Variants in RIMS2 observed in about 807,000 individuals in gnomAD.
The protein encoded by RIMS2 is regulating synaptic membrane exocytosis 2.
Under a neutral mutation model 174.4 loss-of-function variants are expected in RIMS2, and 59 were observed. The observed-to-expected ratio is 0.34, with a 90% confidence interval of 0.27 to 0.42. The LOEUF (loss-of-function observed/expected upper bound fraction) is 0.42. Ranked by LOEUF, RIMS2 falls within the 10% of genes least tolerant of loss-of-function variation. RIMS2 has a pLI of 1.00. For synonymous variants in RIMS2, 606 were observed against 572.5 expected, an observed-to-expected ratio of 1.06 and a Z score of -0.84; for missense variants, 1,620 against 1,666.3, an observed-to-expected ratio of 0.97 and a Z score of 0.48.
At chr8:104,200,030 G>C (rs2099046415) in intron 19 of RIMS2, among the ~76,000 whole-genome samples, 1 of 152,190 alleles carries the variant, frequency 6.6e-6, no homozygotes, top group South Asian at 2.1e-4. Flanking sequence ...TGAAGGTCCA[G>C]AGGCTAAGAG....
chr8:103,979,726 T>C (rs1023285100), intron 16 of RIMS2, among the ~76,000 whole-genome samples: 1 of 152,170 alleles, frequency 6.6e-6, no homozygotes, highest in Non-Finnish European at 1.5e-5. Context: ...GCCATCCTTC[T>C]CCTAACCCCC....
intron 19 of RIMS2, among the ~76,000 whole-genome samples, chr8:104,199,614 A>C (rs2099044033): frequency 6.6e-6 from 1 of 152,224 alleles, no homozygotes; most frequent in African/African-American, 2.4e-5. Context: ...AGTAAGAGAA[A>C]GGAATTTCAG....
At chr8:104,251,189 A>T in intron 23 of RIMS2, 26 bp downstream of exon 29, 1 of 1,574,308 alleles carries the variant, frequency 6.4e-7, no homozygotes, top group Non-Finnish European at 8.7e-7. Flanking sequence ...TTTATCCCTT[A>T]CCTAAGAAAG....
intron 1 of RIMS2, 60 bp downstream of exon 1, chr8:103,501,122 C>A (rs1259335962): frequency 1.5e-6 from 2 of 1,319,660 alleles, no homozygotes; most frequent in East Asian, 5.6e-5. Context: ...TCGCCCACTG[C>A]CCTGCGGCCG....
chr8:103,819,084 C>T (rs2098735244), intron 3 of RIMS2: 2 of 349,404 alleles, frequency 5.7e-6, no homozygotes, highest in Non-Finnish European at 4.1e-6. Flanking sequence ...ATACCTTGTC[C>T]CCATTTTTAT....
intron 1 of RIMS2, among the ~76,000 whole-genome samples, chr8:103,593,899 T>G (rs1232119209): frequency 6.6e-6 from 1 of 151,348 alleles, no homozygotes; most frequent in Admixed American, 6.6e-5. Context: ...AAAAGCACAT[T>G]GAGATCCTCA....
chr8:103,795,773 G>A (rs2098545661), intron 3 of RIMS2, among the ~76,000 whole-genome samples: 2 of 152,020 alleles, frequency 1.3e-5, no homozygotes, highest in Admixed American at 1.3e-4. Context: ...CACATGTATC[G>A]CTGCCTTTCA....
Position 103,702,847 on chromosome 8 carries a change from C to T in RIMS2, c.387+5551C>T, listed in dbSNP as rs2097181153. ...TTGAGGTCAGGCGATGTAATTCCTC[C>T]AGCTGTTTTTTTTTTTTTTTTTTTG... On this transcript the variant is annotated intron_variant, in intron 2 of 23. Coordinates refer to ENST00000504942, the Ensembl canonical transcript of RIMS2. 2.3e-5 allele frequency among the ~76,000 whole-genome samples: 3 copies of T among 129,772 alleles called. No individual in the cohort carries two copies. The Admixed American group carries it at 2.6e-4, about 11-fold the overall frequency. 85.1% of individuals were successfully genotyped at this position (129,772 alleles called of 152,430 possible).
At chr8:103,980,975 G>A (rs1281339037) in intron 16 of RIMS2, among the ~76,000 whole-genome samples, 2 of 152,222 alleles carry the variant, frequency 1.3e-5, no homozygotes, top group Non-Finnish European at 2.9e-5. Flanking sequence ...GATAGCATCT[G>A]TGGATCTGAT....
At chr8:103,755,473 C>T (rs914811991) in intron 2 of RIMS2, among the ~76,000 whole-genome samples, 4 of 152,096 alleles carry the variant, frequency 2.6e-5, no homozygotes, top group African/African-American at 7.2e-5. Flanking sequence ...TGAATATTGG[C>T]CTGCCTTGCT....
At chr8:103,971,429 T>G (rs768192347) in intron 15 of RIMS2, among the ~76,000 whole-genome samples, 14 of 152,174 alleles carry the variant, frequency 9.2e-5, no homozygotes, top group Non-Finnish European at 1.6e-4. Flanking sequence ...TTTCAAATGT[T>G]TAGCAACAAT....
intron 17 of RIMS2, among the ~76,000 whole-genome samples, chr8:104,000,010 A>T (rs566066812): frequency 6.6e-6 from 1 of 151,796 alleles, no homozygotes; most frequent in Non-Finnish European, 1.5e-5. Context: ...AGGATTTAGT[A>T]TGTATATTTA....
In RIMS2 at chr8:104,118,665, G is replaced by A. The variant is rs191964369; in HGVS notation, c.3334+104050G>A. On this transcript the variant is annotated intron_variant, in intron 19 of 23. Coordinates refer to ENST00000504942, the Ensembl canonical transcript of RIMS2. ...ATTATAGCCATGAGCCACCGGGCCC[G>A]ACCAAAATTCTTAAGTTTTCATGGT... Among the ~76,000 whole-genome samples, 605 of 152,130 alleles carry A rather than the reference G, an allele frequency of 4.0e-3. 5 individuals are homozygous for A. The highest frequency in any genetic ancestry group is 0.012 in the African/African-American group (516 of 41,512).
At chr8:103,614,601 G>T (rs952887837) in intron 1 of RIMS2, among the ~76,000 whole-genome samples, 1 of 152,234 alleles carries the variant, frequency 6.6e-6, no homozygotes, top group African/African-American at 2.4e-5. Flanking sequence ...ATAGTCTTCT[G>T]TTCTGCCATC....
chr8:103,886,169 G>GA lies in RIMS2; in HGVS notation c.1572dup (p.Tyr525IlefsTer5). On this transcript the variant is annotated frameshift_variant, in exon 4 of 24. Coordinates refer to ENST00000504942, the Ensembl canonical transcript of RIMS2. LOFTEE classifies it high-confidence loss of function. ...AGAGGAGGAATTGGCTTCCACGCCT[G>GA]AATATACAAGTTGTGATGATGTTGA... The GA allele has an allele frequency of 6.2e-7, 1 of 1,612,368 alleles. No homozygotes were observed. The highest frequency in any genetic ancestry group is 8.5e-7 in the Non-Finnish European group (1 of 1,178,960).
At chr8:103,549,227 C>T (rs991401344) in intron 1 of RIMS2, among the ~76,000 whole-genome samples, 6 of 152,176 alleles carry the variant, frequency 3.9e-5, no homozygotes, top group African/African-American at 1.4e-4. Context: ...AGAGAATGGT[C>T]GGGTTACCCA....
At chr8:103,581,705 T>C (rs933420707) in intron 1 of RIMS2, among the ~76,000 whole-genome samples, 7 of 152,176 alleles carry the variant, frequency 4.6e-5, no homozygotes, top group African/African-American at 7.2e-5. Context: ...GCAGATGACA[T>C]GATCTTATAC....
intron 1 of RIMS2, among the ~76,000 whole-genome samples, chr8:103,533,687 AAG>A (rs1838453277): frequency 6.6e-6 from 1 of 151,506 alleles, no homozygotes; most frequent in South Asian, 2.1e-4. Context: ...AAAAAAGAAA[AAG>A]AAAAAAACCT....
At chr8:103,723,112 C>CA (rs2097476641) in intron 2 of RIMS2, among the ~76,000 whole-genome samples, 1 of 152,076 alleles carries the variant, frequency 6.6e-6, no homozygotes, top group South Asian at 2.1e-4. Flanking sequence ...ACCCTGTCTC[C>CA]AAACAAACAA....
Sources: gnomAD v4.1 joint callset for allele counts (sites outside exome capture counted in the v4.1 genomes callset) on GRCh38, gnomAD v4.1.1 for gene constraint, MANE v1.5 for transcripts, NCBI Gene and HGNC (gene_info 2026-07-23, HGNC 2026-07-21) for gene names.